Variants in ANO6 observed in about 807,000 individuals in gnomAD.
The protein encoded by ANO6 is anoctamin-6.
A neutral mutation model predicts 117.5 loss-of-function variants in ANO6; 106 were observed. That is an observed-to-expected ratio of 0.90 (90% CI 0.77 to 1.06). The LOEUF is 1.06. Ranked by LOEUF, ANO6 falls within the 50% of genes least tolerant of loss-of-function variation. The pLI is 0.00. For missense variants in ANO6, 955 were observed against 1,121.1 expected, an observed-to-expected ratio of 0.85 and a Z score of 2.12; for synonymous variants, 367 against 385.1, an observed-to-expected ratio of 0.95 and a Z score of 0.55.
chr12:45,432,861 G>T (rs778350934), downstream of ANO6, among the ~76,000 whole-genome samples: 3 of 152,130 alleles, frequency 2.0e-5, no homozygotes, highest in Non-Finnish European at 4.4e-5. Context: ...TTACTGAGAG[G>T]CAATATGTAA....
Position 45,419,935 on chromosome 12 carries a change from C to G in ANO6, c.2218-1136C>G, listed in dbSNP as rs547679524. Among the ~76,000 whole-genome samples, 12 of 151,468 alleles carry G rather than the reference C, an allele frequency of 7.9e-5. No individual in the cohort carries two copies. The South Asian group carries it at 2.5e-3, about 32-fold the overall frequency. ...ACTAAATTTTCTGTATGTTGTTGTT[C>G]AACTTATAATTTTCATAACTTCATC... On this transcript the variant is annotated intron_variant, in intron 17 of 19. Coordinates refer to ENST00000320560, the MANE Select transcript of ANO6 (RefSeq NM_001025356.3).
intron 1 of ANO6, among the ~76,000 whole-genome samples, chr12:45,285,825 G>A (rs1938896536): frequency 6.6e-6 from 1 of 152,220 alleles, no homozygotes; most frequent in Non-Finnish European, 1.5e-5. Context: ...CATTGTGAGT[G>A]TTGTAGGCTG....
At chr12:45,344,041 A>G (rs1941059670) in intron 3 of ANO6, among the ~76,000 whole-genome samples, 1 of 152,152 alleles carries the variant, frequency 6.6e-6, no homozygotes, top group Non-Finnish European at 1.5e-5. Context: ...ATCTGCTATA[A>G]TGGATGTGGG....
intron 9 of ANO6, among the ~76,000 whole-genome samples, chr12:45,373,986 A>C (rs990131106): frequency 6.6e-6 from 1 of 152,220 alleles, no homozygotes; most frequent in Non-Finnish European, 1.5e-5. Context: ...AGAGAGAAGA[A>C]TCAAAGAGAC....
At chr12:45,264,449 G>A (rs955747990) in intron 1 of ANO6, among the ~76,000 whole-genome samples, 1 of 152,134 alleles carries the variant, frequency 6.6e-6, no homozygotes, top group African/African-American at 2.4e-5. Flanking sequence ...AATCAGTTAT[G>A]TCTTATTTAG....
intron 11 of ANO6, among the ~76,000 whole-genome samples, chr12:45,388,568 C>A (rs1942362676): frequency 6.6e-6 from 1 of 152,098 alleles, no homozygotes; most frequent in Non-Finnish European, 1.5e-5. Context: ...CCCCTTCTTT[C>A]ATAAAAACAG....
chr12:45,237,461 C>T (rs1947663714), intron 1 of ANO6, among the ~76,000 whole-genome samples: 1 of 152,236 alleles, frequency 6.6e-6, no homozygotes, highest in Non-Finnish European at 1.5e-5. Flanking sequence ...GTTTTCCCAG[C>T]ACCATTTATT....
chr12:45,336,722 A>G (rs971706659), intron 3 of ANO6, among the ~76,000 whole-genome samples: 1 of 152,080 alleles, frequency 6.6e-6, no homozygotes, highest in African/African-American at 2.4e-5. Flanking sequence ...TGTGTTTACT[A>G]TACTATAATA....
intron 1 of ANO6, among the ~76,000 whole-genome samples, chr12:45,281,129 A>G (rs1938717494): frequency 1.3e-5 from 2 of 152,144 alleles, no homozygotes; most frequent in South Asian, 4.1e-4. Context: ...CAAGGCACAA[A>G]AAATGAACAA....
intron 1 of ANO6, among the ~76,000 whole-genome samples, chr12:45,219,365 G>A (rs12578982): frequency 0.014 from 2,205 of 152,092 alleles, 45 homozygotes; most frequent in East Asian, 0.068. Context: ...TTAGAGACAG[G>A]GTCTCCCTCT....
chr12:45,299,175 C>A (rs1016623), intron 1 of ANO6, among the ~76,000 whole-genome samples: 150,000 of 152,316 alleles, frequency 0.98, 73,916 homozygotes, highest in Middle Eastern at 1. Context: ...ATCATAGCCT[C>A]GCATATAAGC....
chr12:45,388,428 A>G, intron 11 of ANO6, 125 bp downstream of exon 11: 2 of 1,223,010 alleles, frequency 1.6e-6, no homozygotes, highest in Admixed American at 1.8e-5. Context: ...ATCACTACAT[A>G]CTCTGGTACT....
At chr12:45,247,364 C>T (rs1297463186) in intron 1 of ANO6, among the ~76,000 whole-genome samples, 30 of 152,188 alleles carry the variant, frequency 2.0e-4, no homozygotes, top group Admixed American at 1.8e-3. Context: ...TGTATTGACA[C>T]ATTTAATAGT....
rs573817112 is a variant in ANO6 at position 45,304,164 on chromosome 12, C to A, written c.150+2071C>A. Among the ~76,000 whole-genome samples, 8 of 152,242 alleles carry A rather than the reference C, an allele frequency of 5.3e-5. No individual in the cohort carries two copies. In the East Asian group the frequency reaches 1.5e-3, roughly 29 times the overall value. ...CAGCTTAGCCAGTGTACTCCCAGTT[C>A]CACAGTAAACATAAACTGCTGTCTC... On this transcript the variant is annotated intron_variant, in intron 2 of 19. Coordinates refer to ENST00000320560, the MANE Select transcript of ANO6 (RefSeq NM_001025356.3).
In ANO6 at chr12:45,283,336, C is replaced by T. The variant is rs117335363; in HGVS notation, c.71-18678C>T. ...AAGTCACAGTAAAAAGTGCTGAAGTCACAAGAAGTCCTGTGGGAATGGGAG... is the reference window on the plus strand; with the variant it reads ...AAGTCACAGTAAAAAGTGCTGAAGTTACAAGAAGTCCTGTGGGAATGGGAG... On this transcript the variant is annotated intron_variant, in intron 1 of 19. Transcript: ENST00000320560. Among the ~76,000 whole-genome samples the T allele has an allele frequency of 3.3e-3, 499 of 152,206 alleles. 7 individuals carry two copies. The highest frequency in any genetic ancestry group is 0.029 in the East Asian group (148 of 5,180).
At chr12:45,437,276 T>A (rs577624200), downstream of ANO6, among the ~76,000 whole-genome samples, 2 of 152,330 alleles carry the variant, frequency 1.3e-5, no homozygotes, top group African/African-American at 4.8e-5. Context: ...AGAGGCTCCA[T>A]GACATGGAAC....
At chr12:45,288,344 A>T (rs371381716) in intron 1 of ANO6, among the ~76,000 whole-genome samples, 1 of 152,190 alleles carries the variant, frequency 6.6e-6, no homozygotes. Flanking sequence ...CCATCTCCAG[A>T]ATCATTTTCA....
intron 8 of ANO6, among the ~76,000 whole-genome samples, chr12:45,365,343 T>C (rs1354726702): frequency 6.6e-6 from 1 of 152,246 alleles, no homozygotes; most frequent in Non-Finnish European, 1.5e-5. Context: ...GTTGGAGCTT[T>C]TTAGAGCCCC....
intron 1 of ANO6, among the ~76,000 whole-genome samples, chr12:45,256,880 G>A (rs1269023491): frequency 6.6e-6 from 1 of 152,130 alleles, no homozygotes; most frequent in Non-Finnish European, 1.5e-5. Context: ...TTGAATGGCA[G>A]GCACATGATT....
Sources: allele counts gnomAD v4.1 joint callset (sites outside exome capture counted in the v4.1 genomes callset), GRCh38; gene constraint gnomAD v4.1.1; transcripts MANE v1.5; gene names NCBI Gene and HGNC (gene_info 2026-07-23, HGNC 2026-07-21).